COL11A2: variants seen among roughly 807,000 people sequenced by gnomAD.
COL11A2 encodes collagen type XI alpha 2 chain, also known as collagen alpha-2(XI) chain.
Under a neutral mutation model 273.4 loss-of-function variants are expected in COL11A2, and 116 were observed. The observed-to-expected ratio is 0.42, with a 90% confidence interval of 0.36 to 0.49. COL11A2 has a LOEUF of 0.49. COL11A2 is among the 20% of genes least tolerant of loss of function. The pLI, the probability that COL11A2 is intolerant of heterozygous loss-of-function variation, is 0.00. For synonymous variants in COL11A2, 782 were observed against 864.2 expected (o/e 0.90, Z 1.67); for missense variants, 1,866 against 2,309.0 (o/e 0.81, Z 3.93).
chr6:33,182,878 T>C (rs1363628178), intron 8 of COL11A2, among the ~76,000 whole-genome samples: 2 of 152,014 alleles, frequency 1.3e-5, no homozygotes, highest in African/African-American at 2.4e-5. Context: ...ATGGGAGACA[T>C]TCACCACCAC....
rs560508377 is a variant in COL11A2, at chr6:33,165,219, C to T, written c.4751-255G>A. Among the ~76,000 whole-genome samples the T allele has an allele frequency of 1.3e-5, 2 of 152,202 alleles. No individual in the cohort carries two copies. Among genetic ancestry groups the T allele is most frequent in the East Asian group, 1.9e-4 (1 of 5,172 alleles). Reference sequence around the variant, plus strand: ...CCAGGCCCTCTGACTGGAGGAGGTCCGAGTATGGACAGCCTCATACTGGGA... The same window carrying T: ...CCAGGCCCTCTGACTGGAGGAGGTCTGAGTATGGACAGCCTCATACTGGGA... On this transcript the variant is annotated intron_variant, in intron 63 of 65. Coordinates refer to ENST00000341947, the MANE Select transcript of COL11A2 (RefSeq NM_080680.3). This position sits in a 1 kb window ranked among gnomAD's most constrained non-coding sequence, Gnocchi z 7.7.
Position 33,177,642 on chromosome 6 carries a change from A to T in COL11A2, c.1917+20T>A. ...CTCGGGGGATAAGAATGGGGGTGGG[A>T]TCTCCTATCCATCACTCACCAAGCT... On this transcript the variant is annotated intron_variant, in intron 22 of 65. Coordinates refer to ENST00000341947, the MANE Select transcript of COL11A2 (RefSeq NM_080680.3). The surrounding 1 kb of genome is among the most constrained non-coding windows in gnomAD (Gnocchi z 5.9). The T allele has an allele frequency of 6.2e-7, 1 of 1,612,738 alleles. No individual in the cohort carries two copies. The highest frequency in any genetic ancestry group is 8.5e-7 in the Non-Finnish European group (1 of 1,179,844).
Position 33,178,497 on chromosome 6 carries a change from TG to T in COL11A2, c.1720-10del, listed in dbSNP as rs1554220817. 1.2e-6 allele frequency: 2 copies of T among 1,612,690 alleles called. No homozygotes were observed. Among genetic ancestry groups the T allele is most frequent in the Non-Finnish European group, 1.7e-6 (2 of 1,179,920 alleles). On this transcript the variant is annotated splice_polypyrimidine_tract_variant and intron_variant, in intron 18 of 65. Transcript: ENST00000341947. The surrounding 1 kb of genome is among the most constrained non-coding windows in gnomAD (Gnocchi z 4.6). ...TGGGCACCAGTATCACCCTGCAAAA[TG>T]GGGGAACTCATAAGAGGGGCTTCAG...
Position 33,166,290 on chromosome 6 carries a change from C to A in COL11A2, c.4393-84G>T. The A allele has an allele frequency of 6.6e-7, 1 of 1,516,902 alleles. No homozygotes were observed. 94.0% of individuals were successfully genotyped at this position (1,516,902 alleles called of 1,614,324 possible). A position where few individuals can be genotyped will look rare whatever the true frequency, so the allele number is the denominator to read the frequency against. The stretch of plus-strand genomic sequence containing the variant: ...GAGCGGGGAGGCAAGGTCCCAAGTC[C>A]ACAGGAGCCTCGGGTTACTACAGGA... On this transcript the variant is annotated intron_variant, in intron 60 of 65. Coordinates refer to ENST00000341947, the MANE Select transcript of COL11A2 (RefSeq NM_080680.3). The surrounding 1 kb of genome is among the most constrained non-coding windows in gnomAD (Gnocchi z 4.8).
chr6:33,174,238 G>A lies in COL11A2; in HGVS notation c.2431-20C>T, dbSNP rs748691795. On this transcript the variant is annotated intron_variant, in intron 31 of 65. Transcript: ENST00000341947. ...GGACCCCTGGTGAGAACGGAGAAGGGGGGAAATTGAGAAGTTATGAAAGGT... is the reference window on the plus strand; with the variant it reads ...GGACCCCTGGTGAGAACGGAGAAGGAGGGAAATTGAGAAGTTATGAAAGGT... 6 of 1,556,966 alleles carry A rather than the reference G, an allele frequency of 3.9e-6. No homozygotes were observed. The African/African-American group carries it at 6.8e-5, about 18-fold the overall frequency.
intron 11 of COL11A2, 42 bp downstream of exon 11, chr6:33,180,626 C>G: frequency 6.5e-7 from 1 of 1,549,806 alleles, no homozygotes; most frequent in East Asian, 2.4e-5. Context: ...ATACCACTAG[C>G]TCCCCCGAAG....
rs1054481327 is a variant in COL11A2 at position 33,166,089 on chromosome 6, G to T, written c.4428+82C>A. 2.5e-6 allele frequency: 4 copies of T among 1,601,918 alleles called. No homozygotes were observed. The highest frequency in any genetic ancestry group is 1.1e-5 in the South Asian group (1 of 89,926). On this transcript the variant is annotated intron_variant, in intron 61 of 65. Coordinates refer to ENST00000341947, the MANE Select transcript of COL11A2 (RefSeq NM_080680.3). The surrounding 1 kb of genome is among the most constrained non-coding windows in gnomAD (Gnocchi z 4.8). ...CCTGGCTGGAATAAGGGGCTCCTTG[G>T]GGGGAGTCTATTTGTCCTGGAGAGA... is the stretch of plus-strand genomic sequence containing the variant.
chr6:33,168,547 T>C lies in COL11A2; in HGVS notation c.3932A>G (p.Asn1311Ser), dbSNP rs727504460. 9.0e-5 allele frequency: 145 copies of C among 1,613,518 alleles called. No individual in the cohort carries two copies. Among genetic ancestry groups the C allele is most frequent in the Middle Eastern group, 1.6e-4 (1 of 6,082 alleles). Residue 1311 changes from asparagine to serine, a missense_variant, in exon 54 of 66, where the codon AAT (asparagine) becomes AGT (serine). Transcript: ENST00000341947. Reference protein sequence around the residue: ...QPGSPGPTGENGPPGPLGKRG... With the variant: ...QPGSPGPTGESGPPGPLGKRG... Reference sequence around the variant, plus strand: ...CTTTCCAAGTGGCCCTGGGGGTCCATTCTCCCCGGTGGGACCAGGGGATCC... The same window carrying C: ...CTTTCCAAGTGGCCCTGGGGGTCCACTCTCCCCGGTGGGACCAGGGGATCC...
Position 33,177,835 on chromosome 6 carries a change from C to T in COL11A2, c.1873-129G>A. ...CCATCCCAAACCCAAGCAAACACAG[C>T]TGGCCCAGGCCTGCAGTGTGTGGGA... On this transcript the variant is annotated intron_variant, in intron 21 of 65. Transcript: ENST00000341947. The surrounding 1 kb of genome is among the most constrained non-coding windows in gnomAD (Gnocchi z 5.9). 9.6e-7 allele frequency: 1 copy of T among 1,039,844 alleles called. No individual in the cohort carries two copies. Among genetic ancestry groups the T allele is most frequent in the Admixed American group, 2.0e-5 (1 of 51,232 alleles). The allele number at this position is 1,039,844 out of a possible 1,614,324, so 64.4% of individuals were successfully genotyped here. A position where few individuals can be genotyped will look rare whatever the true frequency, so the allele number is the denominator to read the frequency against.
At chr6:33,186,516 G>T (rs1583375551) in intron 5 of COL11A2, 111 bp downstream of exon 5, 1 of 1,582,428 alleles carries the variant, frequency 6.3e-7, no homozygotes, top group Admixed American at 1.8e-5. Context: ...GGAGGAGGGG[G>T]TGATGGGAAT....
chr6:33,185,439 A>G (rs1241793313), intron 6 of COL11A2, among the ~76,000 whole-genome samples: 1 of 151,964 alleles, frequency 6.6e-6, no homozygotes, highest in African/African-American at 2.4e-5. Context: ...GACGCCTGCC[A>G]GGTCATTGAC....
In COL11A2 at chr6:33,167,169, A is replaced by G. The variant is rs367827251; in HGVS notation, c.4177-46T>C. Reference sequence around the variant, plus strand: ...ATTCTCTTAAGGGAGAGGTGGGACCAAGTTCTCCCCAACAGCCTCCACTTC... The same window carrying G: ...ATTCTCTTAAGGGAGAGGTGGGACCGAGTTCTCCCCAACAGCCTCCACTTC... On this transcript the variant is annotated intron_variant, in intron 57 of 65. Coordinates refer to ENST00000341947, the MANE Select transcript of COL11A2 (RefSeq NM_080680.3). This position sits in a 1 kb window ranked among gnomAD's most constrained non-coding sequence, Gnocchi z 6.1. The G allele has an allele frequency of 5.6e-6, 9 of 1,613,142 alleles. No homozygotes were observed. In the African/African-American group the frequency reaches 9.4e-5, roughly 17 times the overall value.
chr6:33,175,707 G>T (rs1002147252), intron 29 of COL11A2, 26 bp from the exon 30 acceptor site: 2 of 1,602,280 alleles, frequency 1.2e-6, no homozygotes, highest in African/African-American at 2.7e-5. Flanking sequence ...GGACAGGTGA[G>T]TGCTGGGGAC....
intron 30 of COL11A2, chr6:33,175,372 T>A (rs1675497830): frequency 1.4e-6 from 1 of 693,648 alleles, no homozygotes; most frequent in Non-Finnish European, 2.6e-6. Flanking sequence ...CAACTCTTCG[T>A]GTCAGGGACT....
chr6:33,167,503 T>G lies in COL11A2; in HGVS notation c.4045A>C (p.Lys1349Gln), dbSNP rs1444346529. The change falls in exon 56 of 66, where the codon AAG becomes CAG. Residue 1349 changes from lysine (K) to glutamine (Q), a missense_variant. Physicochemically the swap from Lys to Gln is moderately conservative, Grantham distance 53. Transcript: ENST00000341947. This position sits in a 1 kb window ranked among gnomAD's most constrained non-coding sequence, Gnocchi z 6.1. Reference protein sequence around the residue: ...GDPGAIGAPGKTGPVGPAGPA... With the variant: ...GDPGAIGAPGQTGPVGPAGPA... ...CCTGCAGGACCCACCGGGCCTGTCT[T>G]CCCCGGGGCACCTATAGCGCCAGGA... is the stretch of plus-strand genomic sequence containing the variant. The G allele has an allele frequency of 1.2e-6, 2 of 1,612,776 alleles. No homozygotes were observed. Among genetic ancestry groups the G allele is most frequent in the Non-Finnish European group, 1.7e-6 (2 of 1,180,016 alleles).
Position 33,168,585 on chromosome 6 carries a change from G to A in COL11A2, c.3907-13C>T. ...GACCAGGGGATCCCTAGGGAGAGAG[G>A]AATTGGGGTGGCTGAGTGTTTATCC... is the stretch of plus-strand genomic sequence containing the variant. On this transcript the variant is annotated splice_polypyrimidine_tract_variant and intron_variant, in intron 53 of 65. Coordinates refer to ENST00000341947, the MANE Select transcript of COL11A2 (RefSeq NM_080680.3). 6.2e-7 allele frequency: 1 copy of A among 1,613,436 alleles called. No homozygotes were observed. Among genetic ancestry groups the A allele is most frequent in the Non-Finnish European group, 8.5e-7 (1 of 1,179,708 alleles).
Position 33,185,191 on chromosome 6 carries a change from C to A in COL11A2, c.877-137G>T. On this transcript the variant is annotated intron_variant, in intron 6 of 65. Transcript: ENST00000341947. ...CTGGGGGATGGGGGAAATCTCAGATCTTGCAGCCCCTTTGGAGGGGGATAG... is the reference window on the plus strand; with the variant it reads ...CTGGGGGATGGGGGAAATCTCAGATATTGCAGCCCCTTTGGAGGGGGATAG... 3 of 713,830 alleles carry A rather than the reference C, an allele frequency of 4.2e-6. No homozygotes were observed. The South Asian group carries it at 4.6e-5, about 11-fold the overall frequency. 44.2% of individuals were successfully genotyped at this position (713,830 alleles called of 1,614,324 possible). A position where few individuals can be genotyped will look rare whatever the true frequency, so the allele number is the denominator to read the frequency against.
chr6:33,175,052 G>A (rs1770702656), intron 30 of COL11A2, among the ~76,000 whole-genome samples: 1 of 152,218 alleles, frequency 6.6e-6, no homozygotes, highest in Non-Finnish European at 1.5e-5. Context: ...CTTAGAAGCA[G>A]AGATTCTGAA....
chr6:33,186,412 C>A, intron 5 of COL11A2: 1 of 1,429,430 alleles, frequency 7.0e-7, no homozygotes, highest in Non-Finnish European at 9.1e-7. Flanking sequence ...GAAGAGGAGA[C>A]GCAGAGCAGG....
Sources: gnomAD v4.1 joint callset for allele counts (sites outside exome capture counted in the v4.1 genomes callset) on GRCh38, gnomAD v4.1.1 for gene constraint, Gnocchi (gnomAD v3.1) non-coding constraint, MANE v1.5 for transcripts, NCBI Gene and HGNC (gene_info 2026-07-23, HGNC 2026-07-21) for gene names.